The following MYOM3 variants were observed in gnomAD, a reference collection of about 807,000 sequenced individuals.
MYOM3 encodes the protein myomesin 3.
MYOM3 carries 155 observed loss-of-function variants against 191.7 expected under a neutral mutation model. That is an observed-to-expected ratio of 0.81 (90% CI 0.71 to 0.92). MYOM3 has a LOEUF of 0.92. Ranked by LOEUF, MYOM3 falls within the 40% of genes least tolerant of loss-of-function variation. The pLI is 0.00. For missense variants in MYOM3, 1,889 were observed against 1,890.6 expected, an observed-to-expected ratio of 1.00 and a Z score of 0.02; for synonymous variants, 757 against 762.9, an observed-to-expected ratio of 0.99 and a Z score of 0.13.
In MYOM3 at chr1:24,090,894, G is replaced by T. The variant is rs918044078; in HGVS notation, c.1335C>A (p.Phe445Leu). The T allele has an allele frequency of 1.9e-6, 3 of 1,613,922 alleles. No individual in the cohort carries two copies. The African/African-American group carries it at 4.0e-5, about 22-fold the overall frequency. ...QGLVEGQSYR[F>L]RVRAISRVGS... ...CTACCCTGCTGATGGCTCTCACCCG[G>T]AACCGATAGCTCTGACCTTCGACGA... Residue 445 changes from phenylalanine (F) to leucine (L), a missense_variant, in exon 12 of 37, where the codon TTC (phenylalanine) becomes TTA (leucine). Phe to Leu is a conservative substitution (Grantham distance 22). Coordinates refer to ENST00000374434, the MANE Select transcript of MYOM3 (RefSeq NM_152372.4).
At chr1:24,070,430 A>T (rs1248327385) in intron 25 of MYOM3, among the ~76,000 whole-genome samples, 1 of 151,644 alleles carries the variant, frequency 6.6e-6, no homozygotes, top group Non-Finnish European at 1.5e-5. Flanking sequence ...AAAAAAAAAA[A>T]TATAAAAATT....
At chr1:24,082,331 C>T in intron 17 of MYOM3, 143 bp from the exon 18 acceptor site, 2 of 907,422 alleles carry the variant, frequency 2.2e-6, no homozygotes, top group Non-Finnish European at 1.6e-6. Flanking sequence ...AGTATCTGTG[C>T]CTCAGGAGGG....
intron 14 of MYOM3, among the ~76,000 whole-genome samples, chr1:24,088,294 A>G (rs1007248025): frequency 1.7e-4 from 26 of 152,208 alleles, no homozygotes; most frequent in Non-Finnish European, 2.5e-4. Flanking sequence ...GTAGGACAAG[A>G]AATTGCCATA....
At position 24,082,112 on chromosome 1, in the gene MYOM3, G is replaced by A. The variant is rs201249392; in HGVS notation, c.2169C>T (p.Pro723=). The A allele has an allele frequency of 6.2e-7, 1 of 1,613,636 alleles. No individual in the cohort carries two copies. The highest frequency in any genetic ancestry group is 1.3e-5 in the African/African-American group (1 of 75,016). Reference sequence around the variant, plus strand: ...GGATCTTGCCACCTCCACGACGCTTGGGGGGTTTCCACCCAATGACCATTT... The same window carrying A: ...GGATCTTGCCACCTCCACGACGCTTAGGGGGTTTCCACCCAATGACCATTT... ...KNEMVIGWKP[P]KRRGGGKILG... is the part of the protein sequence containing the mutation. The change falls in exon 18 of 37, where the codon CCC becomes CCT. Residue 723 remains proline, a synonymous_variant. Coordinates refer to ENST00000374434, the MANE Select transcript of MYOM3 (RefSeq NM_152372.4).
In MYOM3 at chr1:24,074,076, G is replaced by C. The variant is rs766321972; in HGVS notation, c.2968+84C>G. The C allele has an allele frequency of 3.8e-6, 4 of 1,040,636 alleles. No individual in the cohort carries two copies. In the African/African-American group the frequency reaches 6.4e-5, roughly 17 times the overall value. 64.5% of individuals were successfully genotyped at this position (1,040,636 alleles called of 1,614,324 possible). A position where few individuals can be genotyped will look rare whatever the true frequency, so the allele number is the denominator to read the frequency against. On this transcript the variant is annotated intron_variant, in intron 23 of 36. Transcript: ENST00000374434. The stretch of plus-strand genomic sequence containing the variant: ...GGAAATTGCCACTTTACTCATTTTG[G>C]TTGCTTTTTGCTGACCTGTGTGGGC...
intron 19 of MYOM3, 79 bp downstream of exon 19, chr1:24,081,251 C>G (rs553810678): frequency 4.5e-6 from 7 of 1,566,480 alleles, no homozygotes; most frequent in Non-Finnish European, 6.1e-6. Flanking sequence ...TAGAGGAGAG[C>G]GGCAACCTTC....
intron 23 of MYOM3, among the ~76,000 whole-genome samples, 154 bp from the exon 24 acceptor site, chr1:24,072,167 C>T (rs1257763858): frequency 1.3e-5 from 2 of 152,328 alleles, no homozygotes; most frequent in East Asian, 1.9e-4. Context: ...CCATAGGGGC[C>T]ATGATGAGTA....
chr1:24,086,666 G>T lies in MYOM3; in HGVS notation c.1776C>A (p.Pro592=), dbSNP rs1042189012. The T allele has an allele frequency of 6.2e-7, 1 of 1,613,866 alleles. No individual in the cohort carries two copies. The highest frequency in any genetic ancestry group is 1.3e-5 in the African/African-American group (1 of 74,904). Reference sequence around the variant, plus strand: ...TACCTGGCGGGCCCCGCAAGGCGATGGGTTCGCTGGGCTCCGAGGGATCGC... The same window carrying T: ...TACCTGGCGGGCCCCGCAAGGCGATTGGTTCGCTGGGCTCCGAGGGATCGC... ...GLSDPSEPSE[P]IALRGPPATL... is the part of the protein sequence containing the mutation. Residue 592 remains proline (P), a synonymous_variant, in exon 15 of 37, where the codon CCC becomes CCA. Coordinates refer to ENST00000374434, the MANE Select transcript of MYOM3 (RefSeq NM_152372.4).
chr1:24,071,933 A>G (rs1454865033), intron 24 of MYOM3, 36 bp downstream of exon 24: 2 of 1,610,870 alleles, frequency 1.2e-6, no homozygotes, highest in Non-Finnish European at 8.5e-7. Context: ...CCCAGTGGGA[A>G]CTGCACAAGG....
Position 24,111,671 on chromosome 1 carries a change from A to T in MYOM3, c.-19+360T>A, listed in dbSNP as rs370553663. On this transcript the variant is annotated intron_variant, in intron 1 of 36. Transcript: ENST00000374434. The surrounding 1 kb of genome is among the most constrained non-coding windows in gnomAD (Gnocchi z 4.7). ...CCGCTCTAAGTTCGTGGAACTTGCC[A>T]GCTTAGCCTGGCTCCCGCTTATCGC... 2.0e-5 allele frequency among the ~76,000 whole-genome samples: 3 copies of T among 151,956 alleles called. No individual in the cohort carries two copies. Among genetic ancestry groups the T allele is most frequent in the African/African-American group, 7.3e-5 (3 of 41,348 alleles).
chr1:24,072,255 G>T (rs189147670), intron 23 of MYOM3, among the ~76,000 whole-genome samples: 6 of 152,142 alleles, frequency 3.9e-5, no homozygotes, highest in Non-Finnish European at 5.9e-5. Context: ...TCCTCTCCCC[G>T]TCCTTCAAGG....
At chr1:24,085,538 C>T (rs1028422430) in intron 15 of MYOM3, among the ~76,000 whole-genome samples, 1 of 152,172 alleles carries the variant, frequency 6.6e-6, no homozygotes, top group African/African-American at 2.4e-5. Flanking sequence ...AGCTTCTGTT[C>T]CTTGACCTGC....
chr1:24,086,962 A>G, intron 14 of MYOM3, 135 bp from the exon 15 acceptor site: 2 of 878,648 alleles, frequency 2.3e-6, no homozygotes, highest in Non-Finnish European at 3.5e-6. Flanking sequence ...GCCCCTGAGC[A>G]TGGGGCTCTG....
At chr1:24,094,254 C>T (rs1643866847) in intron 9 of MYOM3, among the ~76,000 whole-genome samples, 1 of 151,570 alleles carries the variant, frequency 6.6e-6, no homozygotes, top group South Asian at 2.1e-4. Context: ...TCACTGCGAC[C>T]TCTGCCTCCT....
chr1:24,110,170 A>C (rs1477046657), intron 1 of MYOM3, among the ~76,000 whole-genome samples: 1 of 152,156 alleles, frequency 6.6e-6, no homozygotes, highest in Non-Finnish European at 1.5e-5. Flanking sequence ...CACCTCCTCC[A>C]GGTGGGAATC....
At chr1:24,099,890 C>A in intron 5 of MYOM3, 115 bp from the exon 6 acceptor site, 1 of 766,200 alleles carries the variant, frequency 1.3e-6, no homozygotes, top group Non-Finnish European at 2.2e-6. Context: ...TTTTTTGAGA[C>A]GGAGTTTTGC....
intron 33 of MYOM3, 69 bp downstream of exon 33, chr1:24,061,877 C>G: frequency 1.3e-6 from 2 of 1,557,154 alleles, no homozygotes; most frequent in African/African-American, 2.7e-5. Context: ...CAGGACTGAC[C>G]CAGTGTGCCC....
At chr1:24,072,382 C>G (rs1319731089) in intron 23 of MYOM3, among the ~76,000 whole-genome samples, 1 of 152,162 alleles carries the variant, frequency 6.6e-6, no homozygotes, top group African/African-American at 2.4e-5. Flanking sequence ...TCTGGTCACT[C>G]TAGGACCACT....
In MYOM3 at chr1:24,095,495, C is replaced by G. The variant is rs757163001; in HGVS notation, c.746-9G>C. ...ATCCTTCCCCAGGTAAGCTGAAAAA[C>G]CAAAGGCAAACAGAGTTGGAGAAGG... is the stretch of plus-strand genomic sequence containing the variant. On this transcript the variant is annotated splice_polypyrimidine_tract_variant and intron_variant, in intron 7 of 36. Coordinates refer to ENST00000374434, the MANE Select transcript of MYOM3 (RefSeq NM_152372.4). 6.2e-7 allele frequency: 1 copy of G among 1,612,426 alleles called. No homozygotes were observed.
Sources: allele counts gnomAD v4.1 joint callset (sites outside exome capture counted in the v4.1 genomes callset), GRCh38; gene constraint gnomAD v4.1.1; non-coding constraint Gnocchi (gnomAD v3.1); transcripts MANE v1.5; gene names NCBI Gene and HGNC (gene_info 2026-07-23, HGNC 2026-07-21).